Variants in SIK3 observed in about 807,000 individuals in gnomAD.
The protein encoded by SIK3 is serine/threonine-protein kinase SIK3.
A neutral mutation model predicts 144.2 loss-of-function variants in SIK3; 28 were observed. That is an observed-to-expected ratio of 0.19 (90% CI 0.14 to 0.27). The LOEUF is 0.27. SIK3 is among the 10% of genes least tolerant of loss of function. SIK3 has a pLI of 1.00. For missense variants in SIK3, 1,319 were observed against 1,776.0 expected, an observed-to-expected ratio of 0.74 and a Z score of 4.62; for synonymous variants, 686 against 676.3, an observed-to-expected ratio of 1.01 and a Z score of -0.22.
intron 1 of SIK3, among the ~76,000 whole-genome samples, chr11:117,019,906 AAAAAAAGGAAG>A (rs1242753038): frequency 1.3e-5 from 2 of 152,102 alleles, no homozygotes; most frequent in Non-Finnish European, 2.9e-5. Context: ...AAAAAAAAAG[AAAAAAAGGAAG>A]AGAAAAGGAA....
In SIK3 at chr11:116,847,507, G is replaced by C. The variant is rs777654060; in HGVS notation, c.3921C>G (p.Gly1307=). 2 of 1,614,200 alleles carry C rather than the reference G, an allele frequency of 1.2e-6. No homozygotes were observed. The highest frequency in any genetic ancestry group is 2.2e-5 in the South Asian group (2 of 91,084). ...DAVLSQSSLM[G]SQQFQDGENE... ...TTTCCCCATCCTGAAACTGCTGGCT[G>C]CCCATGAGCGAAGACTGACTGAGAA... The change falls in exon 23 of 25, where the codon GGC becomes GGG. Residue 1307 remains glycine, a synonymous_variant. Coordinates refer to ENST00000445177, the MANE Select transcript of SIK3 (RefSeq NM_001366686.3).
At chr11:117,000,855 A>G (rs898141680) in intron 1 of SIK3, among the ~76,000 whole-genome samples, 14 of 152,246 alleles carry the variant, frequency 9.2e-5, no homozygotes, top group Non-Finnish European at 1.9e-4. Context: ...TTATAGTAAC[A>G]TTAGGAAATG....
intron 3 of SIK3, among the ~76,000 whole-genome samples, chr11:116,944,878 C>A (rs988505479): frequency 2.6e-5 from 4 of 152,120 alleles, no homozygotes; most frequent in African/African-American, 9.7e-5. Flanking sequence ...TGGCCTAAAA[C>A]TTTTCATAAT....
Position 116,844,642 on chromosome 11 carries a change from A to ATATATATAATATATATATATAATATATAT in SIK3, c.*1000_*1001insATATATATTATATATATATATTATATATA, listed in dbSNP as rs1565345727. On this transcript the variant is annotated 3_prime_UTR_variant, in exon 25 of 25. Transcript: ENST00000445177. ...TAATATATATATAATATATTATATTATATATTATATATATAATATATATAT... is the reference window on the plus strand; with the variant it reads ...TAATATATATATAATATATTATATTATATATATAATATATATATATAATATATATTATATTATATATATAATATATATAT... 1 of 79,496 alleles carries ATATATATAATATATATATATAATATATAT rather than the reference A, an allele frequency of 1.3e-5. No individual in the cohort carries two copies. Among genetic ancestry groups the ATATATATAATATATATATATAATATATAT allele is most frequent in the Non-Finnish European group, 2.0e-5 (1 of 50,154 alleles). The allele number at this position is 79,496 out of a possible 1,614,324, so 4.9% of individuals were successfully genotyped here.
intron 1 of SIK3, among the ~76,000 whole-genome samples, chr11:116,958,221 T>G (rs1270087735): frequency 6.6e-6 from 1 of 152,126 alleles, no homozygotes; most frequent in African/African-American, 2.4e-5. Context: ...AAAACAAAAT[T>G]ACAAAAGTAA....
chr11:116,943,874 T>C (rs1419781496), intron 3 of SIK3, among the ~76,000 whole-genome samples: 1 of 151,978 alleles, frequency 6.6e-6, no homozygotes, highest in Non-Finnish European at 1.5e-5. Context: ...GTGTGCCATT[T>C]ATATAATTTC....
intron 13 of SIK3, among the ~76,000 whole-genome samples, chr11:116,870,861 G>C (rs1943933273): frequency 6.6e-6 from 1 of 152,172 alleles, no homozygotes; most frequent in African/African-American, 2.4e-5. Flanking sequence ...CAGGCAAAGA[G>C]GGACAGGAGT....
intron 12 of SIK3, 77 bp downstream of exon 12, chr11:116,873,826 G>A: frequency 6.5e-7 from 1 of 1,534,326 alleles, no homozygotes; most frequent in Admixed American, 2.2e-5. Context: ...TAAGTCCTAG[G>A]GAAGGTGCCT....
At chr11:117,064,397 T>C (rs1953922855) in intron 1 of SIK3, among the ~76,000 whole-genome samples, 1 of 152,210 alleles carries the variant, frequency 6.6e-6, no homozygotes, top group South Asian at 2.1e-4. Context: ...CCTTTTTCTT[T>C]ATTCTTTGAG....
intron 1 of SIK3, among the ~76,000 whole-genome samples, chr11:116,962,230 T>C (rs551591107): frequency 1.2e-4 from 19 of 152,290 alleles, no homozygotes; most frequent in Admixed American, 5.2e-4. Flanking sequence ...CTATAGCAGA[T>C]AGTACGGATT....
chr11:116,857,974 G>C lies in SIK3; in HGVS notation c.3491C>G (p.Thr1164Arg), dbSNP rs750093790. 1.2e-5 allele frequency: 19 copies of C among 1,614,220 alleles called. No homozygotes were observed. The South Asian group carries it at 2.1e-4, about 18-fold the overall frequency. ...GCTGTCATGGCAACCTTTGGTCAAT[G>C]TACTTGAACTCTTACTGTCTTGGAA... ...DGFQDSKSSS[T>R]LTKGCHDSPL... Residue 1164 changes from threonine to arginine, a missense_variant, in exon 21 of 25, where the codon ACA becomes AGA. Transcript: ENST00000445177.
chr11:117,059,330 G>A (rs1166494699), intron 1 of SIK3, among the ~76,000 whole-genome samples: 1 of 152,182 alleles, frequency 6.6e-6, no homozygotes, highest in Non-Finnish European at 1.5e-5. Flanking sequence ...CTCAGTTACA[G>A]TCTTAATATC....
chr11:116,953,446 A>G (rs12275355), intron 3 of SIK3, among the ~76,000 whole-genome samples: 11,032 of 152,246 alleles, frequency 0.072, 490 homozygotes, highest in Middle Eastern at 0.11. Flanking sequence ...GTCAGTTTTT[A>G]GCATCTTAAA....
chr11:116,944,955 TTTC>T (rs1210270273), intron 3 of SIK3, among the ~76,000 whole-genome samples: 1 of 149,280 alleles, frequency 6.7e-6, no homozygotes, highest in African/African-American at 2.5e-5. Flanking sequence ...ACTAGCTACA[TTTC>T]TTTTTTCTTT....
chr11:117,083,167 A>G (rs1049560164), intron 1 of SIK3, among the ~76,000 whole-genome samples: 1 of 152,186 alleles, frequency 6.6e-6, no homozygotes, highest in Admixed American at 6.5e-5. Flanking sequence ...CCCTTTTACT[A>G]AGAGCTCAAT....
chr11:116,971,365 AG>A (rs1401169392), intron 1 of SIK3, among the ~76,000 whole-genome samples: 1 of 152,240 alleles, frequency 6.6e-6, no homozygotes, highest in African/African-American at 2.4e-5. Context: ...ATCCAATGTC[AG>A]CCAAATTTGA....
chr11:116,955,646 G>T (rs893207464), intron 2 of SIK3, among the ~76,000 whole-genome samples: 1 of 152,102 alleles, frequency 6.6e-6, no homozygotes, highest in Non-Finnish European at 1.5e-5. Context: ...TAAAAGGTAA[G>T]GTCAAGAAAT....
At chr11:116,925,011 G>A (rs974429273) in intron 4 of SIK3, among the ~76,000 whole-genome samples, 8 of 152,102 alleles carry the variant, frequency 5.3e-5, no homozygotes, top group African/African-American at 1.9e-4. Context: ...GGGGAGATGA[G>A]GACAGACACG....
intron 1 of SIK3, among the ~76,000 whole-genome samples, chr11:117,000,507 A>G (rs17120233): frequency 0.16 from 24,664 of 152,204 alleles, 2,121 homozygotes; most frequent in Admixed American, 0.21. Context: ...TAAGGGGAAT[A>G]TCAATTCTGT....
Sources: allele counts gnomAD v4.1 joint callset (sites outside exome capture counted in the v4.1 genomes callset), GRCh38; gene constraint gnomAD v4.1.1; transcripts MANE v1.5; gene names NCBI Gene and HGNC (gene_info 2026-07-23, HGNC 2026-07-21).